Variants in DEPDC1B observed in about 807,000 individuals in gnomAD.
DEPDC1B encodes the protein DEP domain containing 1B, also known as DEP domain-containing protein 1B.
DEPDC1B carries 51 observed loss-of-function variants against 66.5 expected under a neutral mutation model. The observed-to-expected ratio is 0.77, with a 90% CI of 0.61 to 0.97. The LOEUF (loss-of-function observed/expected upper bound fraction) is 0.97, where lower values mean the gene tolerates loss of function less well. Among genes scored for constraint, DEPDC1B ranks in the 50% least tolerant of loss-of-function variants. DEPDC1B has a pLI of 0.00. For missense variants in DEPDC1B, 552 were observed against 637.1 expected, an observed-to-expected ratio of 0.87 and a Z score of 1.44; for synonymous variants, 226 against 223.6, an observed-to-expected ratio of 1.01 and a Z score of -0.10.
At chr5:60,677,344 T>A (rs1441203123) in intron 2 of DEPDC1B, among the ~76,000 whole-genome samples, 79 of 150,542 alleles carry the variant, frequency 5.2e-4, no homozygotes, top group Middle Eastern at 6.8e-3. Flanking sequence ...TCTCTCTCTC[T>A]CTCTCTCTCT....
At chr5:60,607,613 G>A (rs1046192662) in intron 7 of DEPDC1B, among the ~76,000 whole-genome samples, 1 of 152,078 alleles carries the variant, frequency 6.6e-6, no homozygotes, top group Non-Finnish European at 1.5e-5. Flanking sequence ...GAAATACAAG[G>A]TCAGGCAGAA....
At chr5:60,623,551 C>CA (rs200238209) in intron 7 of DEPDC1B, among the ~76,000 whole-genome samples, 1,890 of 151,578 alleles carry the variant, frequency 0.012, 15 homozygotes, top group Non-Finnish European at 0.021. Flanking sequence ...GAAAACTCTA[C>CA]AAAAAAAAGC....
chr5:60,599,057 T>A lies in DEPDC1B; in HGVS notation c.1428+18A>T. On this transcript the variant is annotated intron_variant, in intron 10 of 10. Transcript: ENST00000265036. ...AGTAGGGAGGAGAAAAAATGGCTTA[T>A]AAAGAATATCCTTTTACCTGCTTCA... 6.4e-7 allele frequency: 1 copy of A among 1,552,894 alleles called. No individual in the cohort carries two copies. The highest frequency in any genetic ancestry group is 8.6e-7 in the Non-Finnish European group (1 of 1,156,498).
Position 60,644,770 on chromosome 5 carries a change from T to G in DEPDC1B, c.684A>C (p.Gly228=). The G allele has an allele frequency of 1.3e-6, 2 of 1,596,870 alleles. No homozygotes were observed. Among genetic ancestry groups the G allele is most frequent in the Non-Finnish European group, 1.7e-6 (2 of 1,173,676 alleles). ...TTGACTTGTCATCAAGAATAACAAC[T>G]CCCTGCTTGCTAACACTATATACAT... ...IHNVYSVSKQ[G]VVILDDKSKE... The change falls in exon 5 of 11, where the codon GGA becomes GGC. Residue 228 remains glycine, a synonymous_variant. Transcript: ENST00000265036.
At chr5:60,699,753 GAACA>G (rs1342544346) in intron 1 of DEPDC1B, among the ~76,000 whole-genome samples, 1 of 152,168 alleles carries the variant, frequency 6.6e-6, no homozygotes, top group Non-Finnish European at 1.5e-5. Context: ...AAAAGGCAGG[GAACA>G]GCCTGGTCTT....
rs1182171704 is a variant in DEPDC1B, at chr5:60,655,275, T to C, written c.315-7742A>G. ...TCCTAGACTTTTTATTGTTGCTGGC[T>C]ATTTTTTTCTTACCATTTGAATCTC... On this transcript the variant is annotated intron_variant, in intron 2 of 10. Coordinates refer to ENST00000265036, the MANE Select transcript of DEPDC1B (RefSeq NM_018369.3). 1.3e-5 allele frequency among the ~76,000 whole-genome samples: 2 copies of C among 148,858 alleles called. 1 individual carries two copies. Among genetic ancestry groups the C allele is most frequent in the Middle Eastern group, 6.4e-3 (2 of 312 alleles).
chr5:60,651,540 C>A lies in DEPDC1B; in HGVS notation c.315-4007G>T, dbSNP rs202213291. Among the ~76,000 whole-genome samples the A allele has an allele frequency of 2.6e-3, 372 of 144,122 alleles. 4 individuals are homozygous for A. The highest frequency in any genetic ancestry group is 9.0e-3 in the African/African-American group (349 of 38,746). The allele number at this position is 144,122 out of a possible 152,430, so 94.5% of individuals were successfully genotyped here. ...AGAGAGACTCCACCTAAAAAAAAAA[C>A]AAAAAAAACAAAAAAAAAACTAAAA... On this transcript the variant is annotated intron_variant, in intron 2 of 10. Coordinates refer to ENST00000265036, the MANE Select transcript of DEPDC1B (RefSeq NM_018369.3).
At chr5:60,652,388 AG>A (rs1753478468) in intron 2 of DEPDC1B, among the ~76,000 whole-genome samples, 1 of 148,994 alleles carries the variant, frequency 6.7e-6, no homozygotes, top group Non-Finnish European at 1.5e-5. Flanking sequence ...CAAAAAAAGT[AG>A]GAAGAGTCCA....
chr5:60,637,826 C>T (rs1753077884), intron 7 of DEPDC1B, among the ~76,000 whole-genome samples: 1 of 152,174 alleles, frequency 6.6e-6, no homozygotes, highest in Non-Finnish European at 1.5e-5. Context: ...TCTATAAAAG[C>T]ATAAAATCCA....
chr5:60,624,950 G>GTGTTT (rs1752780524), intron 7 of DEPDC1B, among the ~76,000 whole-genome samples: 1 of 144,898 alleles, frequency 6.9e-6, no homozygotes. Flanking sequence ...TTGTGTCCAT[G>GTGTTT]TGTTCTCATT....
intron 1 of DEPDC1B, chr5:60,687,797 A>G: frequency 4.7e-6 from 1 of 212,706 alleles, no homozygotes; most frequent in Non-Finnish European, 9.7e-6. Flanking sequence ...AAGTGCTGGA[A>G]TTACAGGAGT....
chr5:60,618,079 T>C (rs1669873404), intron 7 of DEPDC1B, among the ~76,000 whole-genome samples: 1 of 152,208 alleles, frequency 6.6e-6, no homozygotes, highest in African/African-American at 2.4e-5. Context: ...AAAGATATTC[T>C]TTGAAACCAA....
At chr5:60,684,915 T>C (rs1480497395) in intron 2 of DEPDC1B, among the ~76,000 whole-genome samples, 1 of 152,108 alleles carries the variant, frequency 6.6e-6, no homozygotes, top group Admixed American at 6.6e-5. Flanking sequence ...GGGCAAAGGA[T>C]CTGAATAGAT....
In DEPDC1B at chr5:60,669,796, GGA is replaced by G. The variant is rs556867643; in HGVS notation, c.314+17164_314+17165del. Among the ~76,000 whole-genome samples, 602 of 152,242 alleles carry G rather than the reference GGA, an allele frequency of 4.0e-3. 7 individuals carry two copies. The highest frequency in any genetic ancestry group is 0.014 in the African/African-American group (575 of 41,536). ...TAAAGGATCAAGTGAGCATTTTTAA[GGA>G]GAGAGGTGAGCTTATCTGAAAGACA... On this transcript the variant is annotated intron_variant, in intron 2 of 10. Transcript: ENST00000265036.
At chr5:60,659,870 A>T (rs1279870095) in intron 2 of DEPDC1B, among the ~76,000 whole-genome samples, 3 of 152,168 alleles carry the variant, frequency 2.0e-5, no homozygotes, top group Non-Finnish European at 1.5e-5. Flanking sequence ...TAAGCTATGA[A>T]CCCAGGGAGT....
chr5:60,624,426 A>G (rs1752769291), intron 7 of DEPDC1B, among the ~76,000 whole-genome samples: 1 of 152,172 alleles, frequency 6.6e-6, no homozygotes, highest in African/African-American at 2.4e-5. Flanking sequence ...ATTTGGTTTT[A>G]TCAGGGATAT....
intron 2 of DEPDC1B, among the ~76,000 whole-genome samples, chr5:60,654,410 T>C (rs1355533941): frequency 6.8e-6 from 1 of 147,904 alleles, no homozygotes; most frequent in Non-Finnish European, 1.5e-5. Context: ...AATTGAGTTA[T>C]TGATTTGATT....
chr5:60,618,369 A>T (rs1026649205), intron 7 of DEPDC1B, among the ~76,000 whole-genome samples: 2 of 152,226 alleles, frequency 1.3e-5, no homozygotes, highest in African/African-American at 2.4e-5. Flanking sequence ...TGAAAAGATC[A>T]ACAAAATTGA....
intron 2 of DEPDC1B, among the ~76,000 whole-genome samples, chr5:60,648,385 A>G (rs969507664): frequency 2.0e-5 from 3 of 152,190 alleles, no homozygotes; most frequent in Non-Finnish European, 2.9e-5. Context: ...ACGCTTCTCT[A>G]AAATTTATTG....
Sources: gnomAD v4.1 joint callset for allele counts (sites outside exome capture counted in the v4.1 genomes callset) on GRCh38, gnomAD v4.1.1 for gene constraint, MANE v1.5 for transcripts, NCBI Gene and HGNC (gene_info 2026-07-23, HGNC 2026-07-21) for gene names.